WDPCP: variants seen among roughly 807,000 people sequenced by gnomAD.
WDPCP encodes the protein WD repeat containing planar cell polarity effector.
A neutral mutation model predicts 93.1 loss-of-function variants in WDPCP; 71 were observed. The observed-to-expected ratio is 0.76, with a 90% CI of 0.63 to 0.93. WDPCP has a LOEUF of 0.93. WDPCP is among the 40% of genes least tolerant of loss of function. The pLI, the probability that WDPCP is intolerant of heterozygous loss-of-function variation, is 0.00. For missense variants in WDPCP, 844 were observed against 887.4 expected (o/e 0.95, Z 0.62); for synonymous variants, 315 against 315.0 (o/e 1.00, Z 0.00).
At chr2:63,264,996 CT>C (rs1681978031) in intron 13 of WDPCP, among the ~76,000 whole-genome samples, 1 of 152,088 alleles carries the variant, frequency 6.6e-6, no homozygotes, top group African/African-American at 2.4e-5. Flanking sequence ...TTACAAATAC[CT>C]TGTGACAAAC....
rs532281152 is a variant in WDPCP at position 63,411,516 on chromosome 2, G to A, written c.826-6859C>T. 3.3e-5 allele frequency among the ~76,000 whole-genome samples: 5 copies of A among 151,914 alleles called. No homozygotes were observed. In the South Asian group the frequency reaches 1.0e-3, roughly 32 times the overall value. ...CAAACCCAAACCCAGCAGAAGAAAG[G>A]AAATAATCAAGATCAGAGCAGAACT... On this transcript the variant is annotated intron_variant, in intron 9 of 17. Coordinates refer to ENST00000272321, the MANE Select transcript of WDPCP (RefSeq NM_015910.7).
chr2:63,588,033 C>A (rs1708990002), intron 1 of WDPCP, among the ~76,000 whole-genome samples, 164 bp downstream of exon 1: 1 of 152,244 alleles, frequency 6.6e-6, no homozygotes, highest in African/African-American at 2.4e-5. Context: ...ACCACCCCCT[C>A]CAAAATAGCT....
chr2:63,233,016 G>GC (rs1330931640), intron 14 of WDPCP: 4 of 158,842 alleles, frequency 2.5e-5, no homozygotes, highest in Admixed American at 2.0e-4. Context: ...CATCTGAGCA[G>GC]CCCCCCATGT....
At chr2:63,403,763 T>G (rs1428986703) in intron 10 of WDPCP, 1 of 302,968 alleles carries the variant, frequency 3.3e-6, no homozygotes, top group African/African-American at 2.2e-5. Flanking sequence ...CTTAAGGAAT[T>G]ATTTAGTAGT....
chr2:63,189,289 T>C (rs1356778837), intron 14 of WDPCP, among the ~76,000 whole-genome samples: 2 of 152,228 alleles, frequency 1.3e-5, no homozygotes, highest in Non-Finnish European at 2.9e-5. Flanking sequence ...GTTAGCATGC[T>C]GGACTTAAGT....
the WDPCP span, among the ~76,000 whole-genome samples, chr2:63,835,235 C>A: frequency 1.3e-5 from 2 of 151,308 alleles, no homozygotes; most frequent in African/African-American, 4.9e-5. Flanking sequence ...AAAAAAAATA[C>A]AAAAATTAGC....
intron 2 of WDPCP, among the ~76,000 whole-genome samples, chr2:63,789,363 C>T (rs552713011): frequency 1.3e-5 from 2 of 152,176 alleles, no homozygotes; most frequent in South Asian, 4.1e-4. Context: ...CACACAAAAC[C>T]TGGGTCTGCC....
intron 3 of WDPCP, chr2:63,643,262 C>A: frequency 6.0e-6 from 2 of 334,874 alleles, no homozygotes; most frequent in South Asian, 3.3e-5. Context: ...CTCTAGAGAC[C>A]ATTTCACCCA....
chr2:63,453,619 A>G (rs1230857647), intron 6 of WDPCP, among the ~76,000 whole-genome samples: 1 of 152,220 alleles, frequency 6.6e-6, no homozygotes, highest in Non-Finnish European at 1.5e-5. Context: ...AATATAAATC[A>G]TGCTGCTATA....
chr2:63,606,374 C>G (rs2106630557), intron 3 of WDPCP, among the ~76,000 whole-genome samples: 1 of 151,976 alleles, frequency 6.6e-6, no homozygotes, highest in South Asian at 2.1e-4. Context: ...ACCCTGTCCC[C>G]CAAAAAAGAA....
chr2:63,575,428 G>GTGTATACAC (rs1707923004), intron 1 of WDPCP, among the ~76,000 whole-genome samples: 1 of 30,074 alleles, frequency 3.3e-5, no homozygotes, highest in Non-Finnish European at 6.8e-5. Context: ...ACTGTATACA[G>GTGTATACAC]TGTATATACA....
chr2:63,578,569 T>C (rs915000322), intron 1 of WDPCP, among the ~76,000 whole-genome samples: 9 of 151,908 alleles, frequency 5.9e-5, no homozygotes, highest in Admixed American at 2.6e-4. Flanking sequence ...GCACCTGACA[T>C]AGCCTGGAGG....
At chr2:63,754,390 A>T (rs894493763) in intron 2 of WDPCP, among the ~76,000 whole-genome samples, 3 of 152,234 alleles carry the variant, frequency 2.0e-5, no homozygotes, top group Admixed American at 6.5e-5. Flanking sequence ...TAGGATTTGC[A>T]GGTGGGGGAA....
intron 2 of WDPCP, among the ~76,000 whole-genome samples, chr2:63,489,227 G>A (rs1230953107): frequency 6.6e-6 from 1 of 151,942 alleles, no homozygotes; most frequent in African/African-American, 2.4e-5. Context: ...AAAAAATAGG[G>A]GAGCTCCAGG....
chr2:63,444,769 T>A lies in WDPCP; in HGVS notation c.385-4898A>T, dbSNP rs541673959. The stretch of plus-strand genomic sequence containing the variant: ...CAATTTGAATGTTGTTTAAATGTTG[T>A]GCAGGAGATAACTGAGGCAAATAGA... On this transcript the variant is annotated intron_variant, in intron 6 of 17. Coordinates refer to ENST00000272321, the MANE Select transcript of WDPCP (RefSeq NM_015910.7). Among the ~76,000 whole-genome samples, 154 of 152,216 alleles carry A rather than the reference T, an allele frequency of 1.0e-3. 2 individuals carry two copies. Among genetic ancestry groups the A allele is most frequent in the Non-Finnish European group, 5.4e-4 (37 of 68,042 alleles).
At chr2:63,674,096 C>A (rs1306109505) in intron 2 of WDPCP, among the ~76,000 whole-genome samples, 1 of 152,170 alleles carries the variant, frequency 6.6e-6, no homozygotes, top group Non-Finnish European at 1.5e-5. Flanking sequence ...TTTCGAGGAG[C>A]CAAATCCACA....
Position 63,439,796 on chromosome 2 carries a change from TTC to T in WDPCP, c.458_459del (p.Arg153LysfsTer13). 1 of 1,613,248 alleles carries T rather than the reference TTC, an allele frequency of 6.2e-7. No individual in the cohort carries two copies. Among genetic ancestry groups the T allele is most frequent in the Non-Finnish European group, 8.5e-7 (1 of 1,179,404 alleles). ...GPQLEKVVID[R>X]SLVGKLISDT... is the part of the protein sequence containing the mutation. ...TCTGAGATGAGCTTCCCCACCAGGCTTCTGTCAATCACCACTTTCTCCAGCTG... is the reference window on the plus strand; with the variant it reads ...TCTGAGATGAGCTTCCCCACCAGGCTTGTCAATCACCACTTTCTCCAGCTG... On this transcript the variant is annotated frameshift_variant, in exon 7 of 18. Coordinates refer to ENST00000272321, the MANE Select transcript of WDPCP (RefSeq NM_015910.7). LOFTEE classifies it high-confidence loss of function.
At position 63,121,828 on chromosome 2, in the gene WDPCP, G is replaced by A; in HGVS notation, c.*178C>T. On this transcript the variant is annotated 3_prime_UTR_variant, in exon 18 of 18. Coordinates refer to ENST00000272321, the MANE Select transcript of WDPCP (RefSeq NM_015910.7). Reference sequence around the variant, plus strand: ...CTTACGATCACTTTGCTGTTATGCTGCATGTTTTTGAAATAATAAAACTTT... The same window carrying A: ...CTTACGATCACTTTGCTGTTATGCTACATGTTTTTGAAATAATAAAACTTT... 4 of 1,386,458 alleles carry A rather than the reference G, an allele frequency of 2.9e-6. No homozygotes were observed. 85.9% of individuals were successfully genotyped at this position (1,386,458 alleles called of 1,614,324 possible). A position where few individuals can be genotyped will look rare whatever the true frequency, so the allele number is the denominator to read the frequency against.
chr2:63,536,407 A>C (rs11693636), intron 1 of WDPCP, among the ~76,000 whole-genome samples: 13,586 of 152,200 alleles, frequency 0.089, 794 homozygotes, highest in South Asian at 0.17. Context: ...AGACACATGC[A>C]CACGTATGTT....
Sources: allele counts gnomAD v4.1 joint callset (sites outside exome capture counted in the v4.1 genomes callset), GRCh38; gene constraint gnomAD v4.1.1; transcripts MANE v1.5; gene names NCBI Gene and HGNC (gene_info 2026-07-23, HGNC 2026-07-21).